Variants in RASGRP1 observed in about 807,000 individuals in gnomAD.
RASGRP1 encodes the protein RAS guanyl releasing protein 1.
In RASGRP1, 37 loss-of-function variants were observed where a neutral mutation model predicts 95.1. That is an observed-to-expected ratio of 0.39 (90% CI 0.30 to 0.51). The LOEUF (loss-of-function observed/expected upper bound fraction) is 0.51. Ranked by LOEUF, RASGRP1 falls within the 20% of genes least tolerant of loss-of-function variation. The pLI, the probability that RASGRP1 is intolerant of heterozygous loss-of-function variation, is 0.80. For missense variants in RASGRP1, 711 were observed against 965.4 expected, an observed-to-expected ratio of 0.74 and a Z score of 3.49; for synonymous variants, 325 against 353.4, an observed-to-expected ratio of 0.92 and a Z score of 0.90.
At chr15:38,495,338 T>C (rs180775882) in intron 15 of RASGRP1, among the ~76,000 whole-genome samples, 7 of 152,304 alleles carry the variant, frequency 4.6e-5, no homozygotes, top group Admixed American at 4.6e-4. Flanking sequence ...TCTGGTTTTC[T>C]TTAACTAAGA....
Position 38,507,686 on chromosome 15 carries a change from C to A in RASGRP1, c.1242+40G>T, listed in dbSNP as rs1275671295. The A allele has an allele frequency of 1.9e-6, 3 of 1,540,776 alleles. No individual in the cohort carries two copies. In the African/African-American group the frequency reaches 4.1e-5, roughly 21 times the overall value. ...GGGGTATAGAATGGCACCTGGCACA[C>A]AGAAAGTGCTTAGTAATTGTCCTCC... On this transcript the variant is annotated intron_variant, in intron 9 of 16. Coordinates refer to ENST00000310803, the MANE Select transcript of RASGRP1 (RefSeq NM_005739.4).
At chr15:38,503,796 G>A (rs556485410) in intron 10 of RASGRP1, 5 of 215,576 alleles carry the variant, frequency 2.3e-5, no homozygotes, top group South Asian at 7.4e-5. Context: ...AAAAATCATC[G>A]GAAGCCTGGA....
intron 10 of RASGRP1, 89 bp from the exon 11 acceptor site, chr15:38,503,465 A>G: frequency 1.0e-6 from 1 of 976,480 alleles, no homozygotes; most frequent in South Asian, 1.4e-5. Flanking sequence ...TGACGGTTAC[A>G]TTTATGGACA....
chr15:38,525,758 G>A (rs1165469609), intron 3 of RASGRP1, among the ~76,000 whole-genome samples: 1 of 152,146 alleles, frequency 6.6e-6, no homozygotes, highest in African/African-American at 2.4e-5. Flanking sequence ...GCAAGCAGGA[G>A]CTTTCTCCTC....
chr15:38,504,597 T>C (rs1458052838), intron 10 of RASGRP1: 1 of 152,198 alleles, frequency 6.6e-6, no homozygotes, highest in Non-Finnish European at 1.5e-5. Flanking sequence ...TGTCACCTTC[T>C]GGAGGACTTG....
At chr15:38,547,546 G>A (rs979074125) in intron 2 of RASGRP1, among the ~76,000 whole-genome samples, 8 of 152,014 alleles carry the variant, frequency 5.3e-5, no homozygotes, top group Admixed American at 1.3e-4. Flanking sequence ...GTTTTTCCTA[G>A]GACCACCTTC....
chr15:38,521,385 G>T (rs547682874), intron 3 of RASGRP1, among the ~76,000 whole-genome samples: 2 of 152,302 alleles, frequency 1.3e-5, no homozygotes, highest in African/African-American at 4.8e-5. Flanking sequence ...TTCTCCCAGT[G>T]GCTCCTTATC....
intron 9 of RASGRP1, among the ~76,000 whole-genome samples, chr15:38,507,502 C>T (rs1330511325): frequency 6.6e-6 from 1 of 152,084 alleles, no homozygotes; most frequent in African/African-American, 2.4e-5. Context: ...CTCTAGAGTC[C>T]CACCACCTGG....
intron 2 of RASGRP1, among the ~76,000 whole-genome samples, chr15:38,553,951 T>C (rs1302788122): frequency 6.6e-6 from 1 of 152,196 alleles, no homozygotes; most frequent in Non-Finnish European, 1.5e-5. Flanking sequence ...CTAGGATGTC[T>C]GAGAAAAATG....
At chr15:38,497,189 T>G (rs1890825567) in intron 15 of RASGRP1, among the ~76,000 whole-genome samples, 1 of 152,226 alleles carries the variant, frequency 6.6e-6, no homozygotes, top group African/African-American at 2.4e-5. Flanking sequence ...TGTTTTGACA[T>G]GCTGGCTAAC....
chr15:38,546,385 A>G (rs563239699), intron 2 of RASGRP1, among the ~76,000 whole-genome samples: 1 of 151,954 alleles, frequency 6.6e-6, no homozygotes, highest in Non-Finnish European at 1.5e-5. Context: ...GCACCACCAC[A>G]CCCAGCTAAT....
At chr15:38,511,027 T>C (rs901692028) in intron 8 of RASGRP1, among the ~76,000 whole-genome samples, 4 of 152,182 alleles carry the variant, frequency 2.6e-5, no homozygotes, top group African/African-American at 9.6e-5. Context: ...TTCTGTAAAA[T>C]CTAATAATGT....
chr15:38,494,357 AAAAG>A (rs1188420337), intron 16 of RASGRP1, 21 bp downstream of exon 16: 1 of 1,612,644 alleles, frequency 6.2e-7, no homozygotes, highest in Admixed American at 1.7e-5. Flanking sequence ...TAGTCTGAAA[AAAAG>A]GAAAATGAAA....
At chr15:38,542,357 A>G (rs560484002) in intron 2 of RASGRP1, among the ~76,000 whole-genome samples, 1 of 152,202 alleles carries the variant, frequency 6.6e-6, no homozygotes, top group South Asian at 2.1e-4. Flanking sequence ...AACAACAAAC[A>G]AAAAACCACC....
intron 2 of RASGRP1, among the ~76,000 whole-genome samples, chr15:38,538,441 A>G (rs972966025): frequency 6.6e-6 from 1 of 152,238 alleles, no homozygotes; most frequent in Non-Finnish European, 1.5e-5. Flanking sequence ...GAAGAAATGC[A>G]GCATCTAACC....
intron 6 of RASGRP1, among the ~76,000 whole-genome samples, chr15:38,514,873 G>T (rs546407147): frequency 3.7e-4 from 56 of 152,300 alleles, no homozygotes; most frequent in Non-Finnish European, 6.2e-4. Context: ...TGTGATAAAT[G>T]GCTTTTTTCA....
rs753624244 is a variant in RASGRP1 at position 38,503,452 on chromosome 15, A to G, written c.1324-76T>C. The G allele has an allele frequency of 1.4e-5, 15 of 1,099,414 alleles. 1 individual carries two copies. The highest frequency in any genetic ancestry group is 4.1e-5 in the South Asian group (3 of 73,576). 68.1% of individuals were successfully genotyped at this position (1,099,414 alleles called of 1,614,324 possible). A position where few individuals can be genotyped will look rare whatever the true frequency, so the allele number is the denominator to read the frequency against. On this transcript the variant is annotated intron_variant, in intron 10 of 16. Transcript: ENST00000310803. Reference sequence around the variant, plus strand: ...ACCTATAGCTCTTTCTTTTCCCACTACCTGACGGTTACATTTATGGACAAT... The same window carrying G: ...ACCTATAGCTCTTTCTTTTCCCACTGCCTGACGGTTACATTTATGGACAAT...
intron 6 of RASGRP1, among the ~76,000 whole-genome samples, chr15:38,513,262 A>G (rs145331887): frequency 1.3e-5 from 2 of 152,356 alleles, no homozygotes; most frequent in African/African-American, 4.8e-5. Context: ...TGACTATTCT[A>G]AATTCTAAAG....
At chr15:38,515,168 A>G (rs926623201) in intron 6 of RASGRP1, among the ~76,000 whole-genome samples, 1 of 152,192 alleles carries the variant, frequency 6.6e-6, no homozygotes, top group Non-Finnish European at 1.5e-5. Flanking sequence ...TGAGCTCAAC[A>G]AATTGGTGCT....
Sources: gnomAD v4.1 joint callset for allele counts (sites outside exome capture counted in the v4.1 genomes callset) on GRCh38, gnomAD v4.1.1 for gene constraint, MANE v1.5 for transcripts, NCBI Gene and HGNC (gene_info 2026-07-23, HGNC 2026-07-21) for gene names.